Variants in STEAP1B observed in about 807,000 individuals in gnomAD.
STEAP1B encodes the protein STEAP family member 1B, also known as STEAP family protein MGC87042.
In STEAP1B, 13 loss-of-function variants were observed where a neutral mutation model predicts 27.9. That is an observed-to-expected ratio of 0.47 (90% CI 0.30 to 0.74). The LOEUF is 0.74. STEAP1B is among the 30% of genes least tolerant of loss of function. STEAP1B has a pLI of 0.06. For missense variants in STEAP1B, 250 were observed against 298.7 expected, an observed-to-expected ratio of 0.84 and a Z score of 1.20; for synonymous variants, 86 against 107.1, an observed-to-expected ratio of 0.80 and a Z score of 1.22.
chr7:22,439,375 A>G (rs1785298058), intron 4 of STEAP1B, among the ~76,000 whole-genome samples: 1 of 152,220 alleles, frequency 6.6e-6, no homozygotes, highest in African/African-American at 2.4e-5. Context: ...TAGCTGTATG[A>G]AGCCCTTTGC....
intron 4 of STEAP1B, among the ~76,000 whole-genome samples, chr7:22,436,908 C>T (rs147115409): frequency 6.6e-6 from 1 of 152,036 alleles, no homozygotes; most frequent in Non-Finnish European, 1.5e-5. Context: ...GGGTCTATAC[C>T]CAGTAATGGG....
At chr7:22,469,862 G>C (rs1447519168) in intron 4 of STEAP1B, among the ~76,000 whole-genome samples, 2 of 152,162 alleles carry the variant, frequency 1.3e-5, no homozygotes, top group Non-Finnish European at 2.9e-5. Context: ...ATTGGATAAA[G>C]AAGTTACAAA....
intron 4 of STEAP1B, among the ~76,000 whole-genome samples, chr7:22,470,869 A>C (rs1785869298): frequency 6.6e-6 from 1 of 152,206 alleles, no homozygotes; most frequent in South Asian, 2.1e-4. Context: ...ATTATCTAAA[A>C]ATAAAACATC....
At chr7:22,485,838 G>C (rs539641236) in intron 4 of STEAP1B, among the ~76,000 whole-genome samples, 11 of 152,270 alleles carry the variant, frequency 7.2e-5, no homozygotes, top group Admixed American at 2.6e-4. Flanking sequence ...AGATTGCTGA[G>C]CCCAACCCAG....
At chr7:22,486,344 C>T (rs138871775) in intron 4 of STEAP1B, among the ~76,000 whole-genome samples, 1 of 152,310 alleles carries the variant, frequency 6.6e-6, no homozygotes, top group African/African-American at 2.4e-5. Context: ...ATAAACCTGC[C>T]TGGCCTTTCA....
chr7:22,455,855 A>G (rs903513733), intron 4 of STEAP1B, among the ~76,000 whole-genome samples: 6 of 152,242 alleles, frequency 3.9e-5, no homozygotes, highest in Non-Finnish European at 7.3e-5. Flanking sequence ...GAGTATTTCA[A>G]GAATCTTCCT....
intron 4 of STEAP1B, among the ~76,000 whole-genome samples, chr7:22,461,427 T>G (rs1208810565): frequency 6.6e-6 from 1 of 152,104 alleles, no homozygotes; most frequent in African/African-American, 2.4e-5. Flanking sequence ...CACGCCCAGC[T>G]AATTTTCGTA....
At chr7:22,466,445 A>C (rs1002626111) in intron 4 of STEAP1B, among the ~76,000 whole-genome samples, 2 of 142,696 alleles carry the variant, frequency 1.4e-5, no homozygotes, top group Admixed American at 7.8e-5. Flanking sequence ...TTGTTTTGAA[A>C]TATGTACATG....
intron 4 of STEAP1B, among the ~76,000 whole-genome samples, chr7:22,490,703 C>A (rs1786307422): frequency 6.6e-6 from 1 of 152,184 alleles, no homozygotes; most frequent in Non-Finnish European, 1.5e-5. Flanking sequence ...TTCACTTAGA[C>A]TACATGCCAA....
intron 4 of STEAP1B, among the ~76,000 whole-genome samples, chr7:22,437,786 T>C (rs548327169): frequency 1.3e-5 from 2 of 152,360 alleles, no homozygotes; most frequent in South Asian, 2.1e-4. Context: ...TTTTTGGTAA[T>C]ACCCATCCTA....
intron 4 of STEAP1B, among the ~76,000 whole-genome samples, chr7:22,439,783 C>T (rs1024356138): frequency 3.3e-5 from 5 of 152,088 alleles, no homozygotes; most frequent in East Asian, 3.9e-4. Context: ...AATATTTCTA[C>T]ATATAAGGTA....
intron 4 of STEAP1B, among the ~76,000 whole-genome samples, chr7:22,461,118 G>A (rs1583642376): frequency 6.6e-6 from 1 of 152,122 alleles, no homozygotes; most frequent in Non-Finnish European, 1.5e-5. Flanking sequence ...GGACTTCAAG[G>A]AACTGCTTAC....
intron 4 of STEAP1B, among the ~76,000 whole-genome samples, chr7:22,445,466 C>T (rs1460536093): frequency 2.1e-4 from 32 of 152,246 alleles, no homozygotes; most frequent in Admixed American, 2.1e-3. Context: ...CTTGTGAGAA[C>T]CGGGCAGGAA....
chr7:22,433,196 T>G (rs1785212697), intron 4 of STEAP1B, among the ~76,000 whole-genome samples: 1 of 152,120 alleles, frequency 6.6e-6, no homozygotes, highest in African/African-American at 2.4e-5. Context: ...CTCCCATTCA[T>G]TGCACCCCAA....
chr7:22,426,636 C>G (rs1243851163), intron 4 of STEAP1B, among the ~76,000 whole-genome samples: 1 of 152,176 alleles, frequency 6.6e-6, no homozygotes, highest in Admixed American at 6.5e-5. Context: ...AAGTAGTCCC[C>G]TGGAGAATTA....
intron 4 of STEAP1B, among the ~76,000 whole-genome samples, chr7:22,427,319 A>G (rs1785121646): frequency 6.6e-6 from 1 of 152,218 alleles, no homozygotes; most frequent in Admixed American, 6.5e-5. Flanking sequence ...GACTGACACA[A>G]CTTGATGTCA....
intron 4 of STEAP1B, among the ~76,000 whole-genome samples, chr7:22,425,283 G>A (rs1410816511): frequency 6.6e-6 from 1 of 152,138 alleles, no homozygotes; most frequent in Non-Finnish European, 1.5e-5. Context: ...ACAACTAACT[G>A]CTAGATTGGC....
intron 4 of STEAP1B, among the ~76,000 whole-genome samples, chr7:22,468,914 A>G (rs1237136044): frequency 6.6e-6 from 1 of 152,264 alleles, no homozygotes; most frequent in African/African-American, 2.4e-5. Flanking sequence ...TGCACATGCA[A>G]TTATGTACAG....
At chr7:22,467,220 GCTATTTTGAGAGGAA>G (rs1785800743) in intron 4 of STEAP1B, among the ~76,000 whole-genome samples, 1 of 152,200 alleles carries the variant, frequency 6.6e-6, no homozygotes, top group Non-Finnish European at 1.5e-5. Context: ...CCCCAAGGAT[GCTATTTTGAGAGGAA>G]ACTCTCAGGA....
Sources: gnomAD v4.1 joint callset for allele counts (sites outside exome capture counted in the v4.1 genomes callset) on GRCh38, gnomAD v4.1.1 for gene constraint, MANE v1.5 for transcripts, NCBI Gene and HGNC (gene_info 2026-07-23, HGNC 2026-07-21) for gene names.